Variants in MYO1D observed in about 807,000 individuals in gnomAD.
The protein encoded by MYO1D is unconventional myosin-Id.
A neutral mutation model predicts 122.0 loss-of-function variants in MYO1D; 83 were observed. That is an observed-to-expected ratio of 0.68 (90% CI 0.57 to 0.82). The LOEUF is 0.82. Among genes scored for constraint, MYO1D ranks in the 40% least tolerant of loss-of-function variants. The pLI, the probability that MYO1D is intolerant of heterozygous loss-of-function variation, is 0.00. For missense variants in MYO1D, 1,157 were observed against 1,269.5 expected (o/e 0.91, Z 1.35); for synonymous variants, 464 against 446.9 (o/e 1.04, Z -0.48).
chr17:32,705,068 A>G (rs981585102), intron 16 of MYO1D, among the ~76,000 whole-genome samples: 60 of 152,294 alleles, frequency 3.9e-4, no homozygotes, highest in African/African-American at 1.4e-3. Flanking sequence ...AATTCCTTAC[A>G]ATATCAAATA....
chr17:32,722,046 C>T (rs892119762), intron 14 of MYO1D, among the ~76,000 whole-genome samples: 1 of 152,180 alleles, frequency 6.6e-6, no homozygotes, highest in Non-Finnish European at 1.5e-5. Flanking sequence ...CAGTTTTGAG[C>T]TCTGCTGAGG....
intron 21 of MYO1D, among the ~76,000 whole-genome samples, chr17:32,502,877 C>T (rs1909363183): frequency 6.6e-6 from 1 of 152,152 alleles, no homozygotes; most frequent in Non-Finnish European, 1.5e-5. Context: ...TGAGGGTGCG[C>T]CAAGCCAAAG....
intron 21 of MYO1D, among the ~76,000 whole-genome samples, chr17:32,527,568 G>A (rs1910380414): frequency 6.6e-6 from 1 of 152,178 alleles, no homozygotes; most frequent in Non-Finnish European, 1.5e-5. Context: ...TGAGATGGGA[G>A]GATCGCTTGA....
intron 16 of MYO1D, among the ~76,000 whole-genome samples, chr17:32,706,459 T>A (rs1398349187): frequency 6.6e-6 from 1 of 152,106 alleles, no homozygotes; most frequent in Non-Finnish European, 1.5e-5. Context: ...TAAAGCCAGG[T>A]TCTCAGATAT....
chr17:32,510,712 C>T (rs752199006), intron 21 of MYO1D: 1 of 152,124 alleles, frequency 6.6e-6, no homozygotes, highest in Non-Finnish European at 1.5e-5. Flanking sequence ...TGATGGCTCC[C>T]GGGAGAGGCC....
intron 16 of MYO1D, among the ~76,000 whole-genome samples, chr17:32,711,648 G>T (rs570551601): frequency 3.3e-5 from 5 of 151,690 alleles, no homozygotes; most frequent in African/African-American, 4.8e-5. Flanking sequence ...TCCGTCTCGG[G>T]GGGGAAAAAA....
intron 1 of MYO1D, among the ~76,000 whole-genome samples, chr17:32,800,704 T>G (rs2090453614): frequency 1.3e-5 from 2 of 152,268 alleles, no homozygotes; most frequent in East Asian, 3.9e-4. Context: ...TGTTTTTTTT[T>G]GTTTTTATTT....
At chr17:32,618,515 C>T (rs757735136) in intron 20 of MYO1D, among the ~76,000 whole-genome samples, 3 of 152,166 alleles carry the variant, frequency 2.0e-5, no homozygotes, top group Non-Finnish European at 4.4e-5. Context: ...ACATTTACAA[C>T]CCACATAATG....
chr17:32,871,230 G>T (rs1223277060), intron 1 of MYO1D, among the ~76,000 whole-genome samples: 1 of 152,182 alleles, frequency 6.6e-6, no homozygotes, highest in African/African-American at 2.4e-5. Flanking sequence ...AGGGACTTGT[G>T]GCAATGTCTA....
At chr17:32,530,030 G>A (rs910572129) in intron 21 of MYO1D, 2 of 152,180 alleles carry the variant, frequency 1.3e-5, no homozygotes, top group Non-Finnish European at 2.9e-5. Context: ...CACTAGAGGA[G>A]GTTTCGTGGA....
intron 14 of MYO1D, among the ~76,000 whole-genome samples, chr17:32,723,359 T>C (rs141505390): frequency 1.4e-3 from 210 of 152,278 alleles, no homozygotes; most frequent in African/African-American, 4.8e-3. Flanking sequence ...GGGTAGTTAG[T>C]GTAAGAACTG....
chr17:32,720,027 C>A (rs948494030), intron 15 of MYO1D, among the ~76,000 whole-genome samples: 1 of 152,108 alleles, frequency 6.6e-6, no homozygotes, highest in Non-Finnish European at 1.5e-5. Flanking sequence ...TCCTTAGAGA[C>A]TCTTTTTTGA....
intron 1 of MYO1D, among the ~76,000 whole-genome samples, chr17:32,807,793 G>A (rs2090530624): frequency 6.6e-6 from 1 of 151,402 alleles, no homozygotes; most frequent in Non-Finnish European, 1.5e-5. Flanking sequence ...TTATGTGACT[G>A]AGAAATAAGC....
At chr17:32,847,887 C>G (rs2090951802) in intron 1 of MYO1D, among the ~76,000 whole-genome samples, 1 of 152,148 alleles carries the variant, frequency 6.6e-6, no homozygotes, top group South Asian at 2.1e-4. Context: ...CCTCAGCACA[C>G]AACAGTACCT....
At position 32,641,070 on chromosome 17, in the gene MYO1D, T is replaced by C. The variant is rs1313124921; in HGVS notation, c.2596-2235A>G. Among the ~76,000 whole-genome samples the C allele has an allele frequency of 2.0e-5, 3 of 147,358 alleles. No individual in the cohort carries two copies. The South Asian group carries it at 6.7e-4, about 33-fold the overall frequency. On this transcript the variant is annotated intron_variant, in intron 19 of 21. Coordinates refer to ENST00000318217, the MANE Select transcript of MYO1D (RefSeq NM_015194.3). ...CATTTAAATTAGGTATATCTCCTAA[T>C]GCTATCCCTCCCCCCTCCCCCCACC...
At chr17:32,746,450 T>C (rs954170717) in intron 12 of MYO1D, among the ~76,000 whole-genome samples, 1 of 152,228 alleles carries the variant, frequency 6.6e-6, no homozygotes, top group African/African-American at 2.4e-5. Flanking sequence ...CCTGGGTTTA[T>C]CACACAAACC....
At chr17:32,622,239 C>A (rs1266064680) in intron 20 of MYO1D, among the ~76,000 whole-genome samples, 1 of 152,122 alleles carries the variant, frequency 6.6e-6, no homozygotes, top group African/African-American at 2.4e-5. Flanking sequence ...GAACCCATCT[C>A]CCCCTCTTTA....
intron 1 of MYO1D, among the ~76,000 whole-genome samples, chr17:32,843,109 C>T (rs552337141): frequency 5.9e-4 from 89 of 152,082 alleles, no homozygotes; most frequent in African/African-American, 2.1e-3. Flanking sequence ...AGGCTGGTCT[C>T]GAACTCCTGA....
intron 1 of MYO1D, among the ~76,000 whole-genome samples, chr17:32,874,762 C>T (rs935343370): frequency 6.6e-6 from 1 of 151,942 alleles, no homozygotes; most frequent in Non-Finnish European, 1.5e-5. Context: ...GGGCCCATCT[C>T]TAAAAAATAT....
Sources: gnomAD v4.1 joint callset for allele counts (sites outside exome capture counted in the v4.1 genomes callset) on GRCh38, gnomAD v4.1.1 for gene constraint, MANE v1.5 for transcripts, NCBI Gene and HGNC (gene_info 2026-07-23, HGNC 2026-07-21) for gene names.